LDLRAD4: variants seen among roughly 807,000 people sequenced by gnomAD.
LDLRAD4 encodes low density lipoprotein receptor class A domain containing 4.
A neutral mutation model predicts 17.0 loss-of-function variants in LDLRAD4; 5 were observed. The observed-to-expected ratio is 0.29, with a 90% CI of 0.15 to 0.62. The LOEUF (loss-of-function observed/expected upper bound fraction) is 0.62, where lower values mean the gene tolerates loss of function less well. Ranked by LOEUF, LDLRAD4 falls within the 20% of genes least tolerant of loss-of-function variation. The pLI, the probability that LDLRAD4 is intolerant of heterozygous loss-of-function variation, is 0.84. For missense variants in LDLRAD4, 340 were observed against 424.7 expected (o/e 0.80, Z 1.75); for synonymous variants, 168 against 171.8 (o/e 0.98, Z 0.17).
chr18:13,271,608 C>G (rs140651107), intron 1 of LDLRAD4, among the ~76,000 whole-genome samples: 327 of 152,308 alleles, frequency 2.1e-3, no homozygotes, highest in African/African-American at 7.3e-3. Context: ...TGATAAGCCC[C>G]TGTTGCGTGA....
upstream of LDLRAD4, among the ~76,000 whole-genome samples, chr18:13,275,757 A>C (rs2044825926): frequency 7.7e-6 from 1 of 130,574 alleles, no homozygotes. Context: ...CTATGTGCAC[A>C]CAAAAATTAA....
intron 2 of LDLRAD4, among the ~76,000 whole-genome samples, chr18:13,390,091 G>A (rs775039194): frequency 5.9e-4 from 90 of 152,104 alleles, no homozygotes; most frequent in Admixed American, 1.2e-3. Flanking sequence ...AGGCTAATGG[G>A]CTCTGCTCAT....
chr18:13,321,338 T>C (rs2081208233), intron 1 of LDLRAD4, among the ~76,000 whole-genome samples: 1 of 152,258 alleles, frequency 6.6e-6, no homozygotes, highest in Admixed American at 6.5e-5. Flanking sequence ...TTCCAAAGCC[T>C]ATCTCTGGGC....
intron 3 of LDLRAD4, among the ~76,000 whole-genome samples, chr18:13,519,169 G>A (rs1293830267): frequency 6.6e-6 from 1 of 152,248 alleles, no homozygotes; most frequent in African/African-American, 2.4e-5. Flanking sequence ...TGGGCTCCAA[G>A]TATTGCTTAC....
chr18:13,353,179 A>G (rs1286838566), intron 1 of LDLRAD4, among the ~76,000 whole-genome samples: 1 of 151,748 alleles, frequency 6.6e-6, no homozygotes, highest in African/African-American at 2.4e-5. Flanking sequence ...TGTCTTTTGT[A>G]TGTCGTGTGC....
At chr18:13,303,845 C>G (rs77674264) in intron 1 of LDLRAD4, among the ~76,000 whole-genome samples, 4,638 of 152,230 alleles carry the variant, frequency 0.03, 246 homozygotes, top group African/African-American at 0.11. Flanking sequence ...CCAGGTTCTC[C>G]TAGTAAGAGG....
intron 3 of LDLRAD4, among the ~76,000 whole-genome samples, chr18:13,459,050 A>T (rs1457183076): frequency 1.3e-5 from 2 of 151,144 alleles, no homozygotes; most frequent in Non-Finnish European, 2.9e-5. Context: ...GTGGTGGCTC[A>T]CGCCTGTAAT....
chr18:13,594,784 T>A (rs1476909010), intron 3 of LDLRAD4, among the ~76,000 whole-genome samples: 2 of 151,530 alleles, frequency 1.3e-5, no homozygotes, highest in African/African-American at 4.8e-5. Flanking sequence ...CAAAAAGAAG[T>A]TGTCTGGAGG....
At chr18:13,480,407 G>A (rs973059490) in intron 3 of LDLRAD4, among the ~76,000 whole-genome samples, 23 of 152,204 alleles carry the variant, frequency 1.5e-4, no homozygotes, top group South Asian at 4.1e-4. Context: ...CCAGGGTAGC[G>A]GGGAGGGAGG....
chr18:13,365,154 CT>C (rs1480203136), intron 1 of LDLRAD4, among the ~76,000 whole-genome samples: 1 of 152,160 alleles, frequency 6.6e-6, no homozygotes, highest in Non-Finnish European at 1.5e-5. Flanking sequence ...ATTCTTTCCC[CT>C]GGAGAGAAGG....
chr18:13,290,004 T>G (rs2045873907), intron 1 of LDLRAD4, among the ~76,000 whole-genome samples: 1 of 151,746 alleles, frequency 6.6e-6, no homozygotes, highest in African/African-American at 2.4e-5. Flanking sequence ...TGTTGGGGAG[T>G]TTTACTGTGT....
At chr18:13,272,888 A>G (rs962385289) in intron 1 of LDLRAD4, among the ~76,000 whole-genome samples, 1 of 152,222 alleles carries the variant, frequency 6.6e-6, no homozygotes, top group Non-Finnish European at 1.5e-5. Flanking sequence ...ATGAGGCCCT[A>G]GGAAAGACGC....
chr18:13,425,032 T>C (rs971419271), intron 2 of LDLRAD4, among the ~76,000 whole-genome samples: 1 of 152,232 alleles, frequency 6.6e-6, no homozygotes, highest in African/African-American at 2.4e-5. Flanking sequence ...TCAGCAAATA[T>C]TTTTGAGACT....
chr18:13,624,876 G>A (rs1323766386), intron 4 of LDLRAD4, among the ~76,000 whole-genome samples: 1 of 152,224 alleles, frequency 6.6e-6, no homozygotes, highest in Non-Finnish European at 1.5e-5. Flanking sequence ...TCCAGGGCAA[G>A]GCGGCTGGGG....
chr18:13,268,552 C>T (rs76026740), intron 1 of LDLRAD4, among the ~76,000 whole-genome samples: 2,549 of 152,310 alleles, frequency 0.017, 81 homozygotes, highest in African/African-American at 0.059. Context: ...TCACTGCCAG[C>T]GTTTCCCCTC....
intron 1 of LDLRAD4, among the ~76,000 whole-genome samples, chr18:13,222,994 T>C: frequency 6.6e-6 from 1 of 152,238 alleles, no homozygotes; most frequent in East Asian, 1.9e-4. Flanking sequence ...TGGGAGGGCC[T>C]GGGTGGCACT....
chr18:13,546,755 A>T (rs138640453), intron 3 of LDLRAD4, among the ~76,000 whole-genome samples: 1 of 152,118 alleles, frequency 6.6e-6, no homozygotes, highest in East Asian at 1.9e-4. Flanking sequence ...CGCCATCCCC[A>T]CTTTCTCAGC....
At chr18:13,452,819 A>G (rs551845888) in intron 3 of LDLRAD4, among the ~76,000 whole-genome samples, 1 of 152,310 alleles carries the variant, frequency 6.6e-6, no homozygotes, top group African/African-American at 2.4e-5. Context: ...ATAAGAACTC[A>G]TCGGACCCCT....
Position 13,510,491 on chromosome 18 carries a change from A to C in LDLRAD4, c.181+72107A>C, listed in dbSNP as rs898640972. On this transcript the variant is annotated intron_variant, in intron 3 of 5. Coordinates refer to ENST00000359446, the Ensembl canonical transcript of LDLRAD4. ...GAGGCATAAATAATTATTAGAAATC[A>C]TCTTTGATATAATGGACTTTGGAGA... Among the ~76,000 whole-genome samples the C allele has an allele frequency of 2.7e-5, 4 of 150,834 alleles. No individual in the cohort carries two copies. In the East Asian group the frequency reaches 7.8e-4, roughly 29 times the overall value.
Sources: allele counts gnomAD v4.1 joint callset (sites outside exome capture counted in the v4.1 genomes callset), GRCh38; gene constraint gnomAD v4.1.1; transcripts MANE v1.5; gene names NCBI Gene and HGNC (gene_info 2026-07-23, HGNC 2026-07-21).